The following PCNX2 variants were observed in gnomAD, a reference collection of about 807,000 sequenced individuals.
The protein encoded by PCNX2 is pecanex 2.
In PCNX2, 168 loss-of-function variants were observed where a neutral mutation model predicts 223.8. The observed-to-expected ratio is 0.75, with a 90% CI of 0.66 to 0.85. The LOEUF is 0.85. PCNX2 is among the 40% of genes least tolerant of loss of function. PCNX2 has a pLI of 0.00. For synonymous variants in PCNX2, 1,006 were observed against 1,052.6 expected, an observed-to-expected ratio of 0.96 and a Z score of 0.86; for missense variants, 2,507 against 2,675.5, an observed-to-expected ratio of 0.94 and a Z score of 1.39.
At chr1:233,286,331 A>C (rs1407801892) in intron 1 of PCNX2, among the ~76,000 whole-genome samples, 1 of 151,972 alleles carries the variant, frequency 6.6e-6, no homozygotes. Context: ...GGTAGAAGGC[A>C]CCTAATATGA....
chr1:233,160,882 C>T (rs966671594), intron 18 of PCNX2, among the ~76,000 whole-genome samples: 2 of 152,174 alleles, frequency 1.3e-5, no homozygotes, highest in Non-Finnish European at 2.9e-5. Flanking sequence ...TTCCCATAGT[C>T]CTTTTGGCTC....
intron 25 of PCNX2, chr1:233,025,678 ACAT>A: frequency 2.2e-6 from 1 of 450,556 alleles, no homozygotes; most frequent in Non-Finnish European, 4.0e-6. Context: ...ACACAGAAGA[ACAT>A]CATTTCAGTG....
At chr1:233,307,408 G>T in the PCNX2 span, among the ~76,000 whole-genome samples, 2 of 152,060 alleles carry the variant, frequency 1.3e-5, no homozygotes, top group Admixed American at 6.5e-5. Context: ...GCTCTCTCAC[G>T]CCATGTGACA....
chr1:233,046,251 T>C (rs904646270), intron 25 of PCNX2, among the ~76,000 whole-genome samples: 2 of 151,862 alleles, frequency 1.3e-5, no homozygotes, highest in Non-Finnish European at 2.9e-5. Flanking sequence ...CAGGTTGGGG[T>C]GAAGTAGATT....
intron 21 of PCNX2, among the ~76,000 whole-genome samples, chr1:233,111,825 T>C (rs959635266): frequency 6.6e-6 from 1 of 152,234 alleles, no homozygotes; most frequent in South Asian, 2.1e-4. Context: ...TGTAGGATCA[T>C]AGTAGGTATT....
chr1:233,165,355 A>G (rs1678728285), intron 17 of PCNX2, among the ~76,000 whole-genome samples: 1 of 152,118 alleles, frequency 6.6e-6, no homozygotes. Context: ...TGGTTTTTAC[A>G]ATTTGAGGAA....
intron 17 of PCNX2, among the ~76,000 whole-genome samples, chr1:233,169,039 A>G (rs898680179): frequency 6.6e-6 from 1 of 152,136 alleles, no homozygotes; most frequent in Non-Finnish European, 1.5e-5. Context: ...TTTGTGTACA[A>G]TTATATACAA....
At chr1:233,255,875 T>C (rs1286587816) in intron 5 of PCNX2, among the ~76,000 whole-genome samples, 1 of 152,212 alleles carries the variant, frequency 6.6e-6, no homozygotes, top group Admixed American at 6.5e-5. Flanking sequence ...ACAAATACTT[T>C]AGTGAAAGAA....
intron 21 of PCNX2, among the ~76,000 whole-genome samples, chr1:233,118,329 A>T (rs1675546126): frequency 6.6e-6 from 1 of 152,096 alleles, no homozygotes; most frequent in South Asian, 2.1e-4. Flanking sequence ...GAAGGTAGGG[A>T]TCTACTCTCA....
At chr1:233,025,801 G>A in intron 25 of PCNX2, among the ~76,000 whole-genome samples, 1 of 152,226 alleles carries the variant, frequency 6.6e-6, no homozygotes, top group East Asian at 1.9e-4. Context: ...TGTAAAACAG[G>A]CTATTGTAAG....
intron 21 of PCNX2, among the ~76,000 whole-genome samples, chr1:233,119,785 C>G (rs1304747562): frequency 6.6e-6 from 1 of 151,792 alleles, no homozygotes; most frequent in African/African-American, 2.4e-5. Context: ...TTTTGTACTA[C>G]GAAAGACCCT....
chr1:233,162,512 C>T (rs1484851325), intron 17 of PCNX2, among the ~76,000 whole-genome samples: 1 of 152,050 alleles, frequency 6.6e-6, no homozygotes, highest in Non-Finnish European at 1.5e-5. Context: ...AAGTCGGGAC[C>T]CTAGATTTAT....
intron 24 of PCNX2, 30 bp downstream of exon 24, chr1:233,057,201 TA>T (rs1330962929): frequency 1.5e-5 from 23 of 1,523,084 alleles, no homozygotes; most frequent in Non-Finnish European, 2.1e-5. Context: ...CAACAATAAA[TA>T]GTTGAAAAAG....
chr1:232,984,031 A>C lies in PCNX2; in HGVS notation c.*273T>G, dbSNP rs1400902801. The C allele has an allele frequency of 3.2e-6, 1 of 314,900 alleles. No homozygotes were observed. 19.5% of individuals were successfully genotyped at this position (314,900 alleles called of 1,614,324 possible). A position where few individuals can be genotyped will look rare whatever the true frequency, so the allele number is the denominator to read the frequency against. On this transcript the variant is annotated 3_prime_UTR_variant, in exon 34 of 34. Coordinates refer to ENST00000258229, the MANE Select transcript of PCNX2 (RefSeq NM_014801.4). ...GCTCTGGGCAGCGCTGTGCCTGGCC[A>C]GGGAGGTGTGGTGTGGCTTCTTTGT...
chr1:233,112,365 G>A (rs1200134071), intron 21 of PCNX2, among the ~76,000 whole-genome samples: 4 of 152,178 alleles, frequency 2.6e-5, no homozygotes, highest in Non-Finnish European at 5.9e-5. Context: ...AGCACTTTAA[G>A]GAGGGCCTTT....
chr1:233,038,419 T>C (rs7525846), intron 25 of PCNX2, among the ~76,000 whole-genome samples: 35,392 of 152,124 alleles, frequency 0.23, 4,719 homozygotes, highest in African/African-American at 0.36. Flanking sequence ...TTTTCTCCCA[T>C]GAATTTTTGT....
chr1:233,278,641 C>T (rs1030891213), intron 1 of PCNX2, among the ~76,000 whole-genome samples: 1 of 152,154 alleles, frequency 6.6e-6, no homozygotes, highest in African/African-American at 2.4e-5. Context: ...AGTCAGATCG[C>T]ATGTCTCTTC....
intron 21 of PCNX2, among the ~76,000 whole-genome samples, chr1:233,110,428 A>G (rs1001138100): frequency 2.0e-5 from 3 of 152,232 alleles, no homozygotes; most frequent in African/African-American, 4.8e-5. Flanking sequence ...TTCTATTCCC[A>G]GCAAAAATAT....
intron 21 of PCNX2, among the ~76,000 whole-genome samples, chr1:233,108,183 T>A (rs1393187138): frequency 6.6e-6 from 1 of 152,200 alleles, no homozygotes. Context: ...CTTTTATTCC[T>A]TCACTTCCTT....
Sources: allele counts gnomAD v4.1 joint callset (sites outside exome capture counted in the v4.1 genomes callset), GRCh38; gene constraint gnomAD v4.1.1; transcripts MANE v1.5; gene names NCBI Gene and HGNC (gene_info 2026-07-23, HGNC 2026-07-21).